The following LRRC20 variants were observed in gnomAD, a reference collection of about 807,000 sequenced individuals.
The protein encoded by LRRC20 is leucine-rich repeat-containing protein 20.
In LRRC20, 11 loss-of-function variants were observed where a neutral mutation model predicts 14.4. The observed-to-expected ratio is 0.77, with a 90% CI of 0.48 to 1.27. LRRC20 has a LOEUF of 1.27. Ranked by LOEUF, LRRC20 falls within the 50% of genes most tolerant of loss-of-function variation. The probability of loss-of-function intolerance (pLI) is 0.00; values close to 1 mark genes in which losing one functional copy is unlikely to be tolerated. For missense variants in LRRC20, 219 were observed against 251.2 expected (o/e 0.87, Z 0.87); for synonymous variants, 121 against 107.3 (o/e 1.13, Z -0.79).
chr10:70,338,201 C>A (rs2137008628), intron 3 of LRRC20, among the ~76,000 whole-genome samples: 1 of 152,292 alleles, frequency 6.6e-6, no homozygotes, highest in South Asian at 2.1e-4. Context: ...AATCCCTCCT[C>A]CTTGTCCTTC....
chr10:70,311,945 G>A (rs1281097398), intron 4 of LRRC20, among the ~76,000 whole-genome samples: 2 of 152,186 alleles, frequency 1.3e-5, no homozygotes, highest in Non-Finnish European at 2.9e-5. Flanking sequence ...CTCACTAATT[G>A]TTAGCAATAT....
intron 1 of LRRC20, among the ~76,000 whole-genome samples, chr10:70,380,334 G>A (rs1844658422): frequency 6.6e-6 from 1 of 152,194 alleles, no homozygotes; most frequent in Admixed American, 6.5e-5. Flanking sequence ...AAAGGTTCCC[G>A]CTGCTTAAAA....
chr10:70,309,935 C>T (rs1471202204), intron 4 of LRRC20, among the ~76,000 whole-genome samples: 1 of 152,242 alleles, frequency 6.6e-6, no homozygotes, highest in Non-Finnish European at 1.5e-5. Context: ...GGGGTCTCGG[C>T]TTGCTGTTTC....
intron 3 of LRRC20, among the ~76,000 whole-genome samples, chr10:70,333,354 C>T (rs1842609077): frequency 6.6e-6 from 1 of 152,184 alleles, no homozygotes; most frequent in Admixed American, 6.5e-5. Flanking sequence ...AAGCGATGCT[C>T]TCCTGCTGGT....
chr10:70,373,169 G>C (rs1844376630), intron 2 of LRRC20, among the ~76,000 whole-genome samples: 2 of 152,182 alleles, frequency 1.3e-5, no homozygotes, highest in South Asian at 4.1e-4. Flanking sequence ...TCTGGTGCTA[G>C]ATGTTTAGGA....
At chr10:70,377,381 C>T (rs990694900) in intron 1 of LRRC20, among the ~76,000 whole-genome samples, 1 of 152,136 alleles carries the variant, frequency 6.6e-6, no homozygotes, top group African/African-American at 2.4e-5. Context: ...GACATAAGGA[C>T]TTGCAAACAC....
In LRRC20 at chr10:70,301,269, C is replaced by T. The variant is rs558927091; in HGVS notation, c.*85G>A. The T allele has an allele frequency of 6.2e-4, 932 of 1,507,850 alleles. 7 individuals are homozygous for T. The African/African-American group carries it at 0.011, about 18-fold the overall frequency. The allele number at this position is 1,507,850 out of a possible 1,614,324, so 93.4% of individuals were successfully genotyped here. On this transcript the variant is annotated 3_prime_UTR_variant, in exon 5 of 5. Transcript: ENST00000446961. ...GGCCCACCCGCCCCCAGCCCCCAGG[C>T]TTGGCCTCCCATGGGCCTCCCTCCC...
At chr10:70,352,215 T>C (rs1843339288) in intron 2 of LRRC20, among the ~76,000 whole-genome samples, 1 of 125,432 alleles carries the variant, frequency 8.0e-6, no homozygotes, top group Non-Finnish European at 1.7e-5. Context: ...TTGTAAGGCA[T>C]GTACGTTTAA....
chr10:70,317,512 C>T (rs1365328102), intron 4 of LRRC20, among the ~76,000 whole-genome samples: 1 of 152,174 alleles, frequency 6.6e-6, no homozygotes, highest in Non-Finnish European at 1.5e-5. Context: ...GCTGGGACTA[C>T]AGGTATGCAC....
Position 70,327,366 on chromosome 10 carries a change from AG to A in LRRC20, c.233-3337del, listed in dbSNP as rs200954469. 2.8e-3 allele frequency among the ~76,000 whole-genome samples: 90 copies of A among 31,768 alleles called. 1 individual carries two copies. The highest frequency in any genetic ancestry group is 0.012 in the African/African-American group (86 of 7,246). 20.8% of individuals were successfully genotyped at this position (31,768 alleles called of 152,430 possible). A position where few individuals can be genotyped will look rare whatever the true frequency, so the allele number is the denominator to read the frequency against. On this transcript the variant is annotated intron_variant, in intron 3 of 4. Coordinates refer to ENST00000446961, the MANE Select transcript of LRRC20 (RefSeq NM_001278212.2). Reference sequence around the variant, plus strand: ...GAGGCAGACGGATCACTTGAGATCAAGAGTTCGAGACCAGCCTGGCCAACAT... The same window carrying A: ...GAGGCAGACGGATCACTTGAGATCAAAGTTCGAGACCAGCCTGGCCAACAT...
intron 3 of LRRC20, among the ~76,000 whole-genome samples, chr10:70,331,096 A>T (rs1842521473): frequency 6.6e-6 from 1 of 152,148 alleles, no homozygotes; most frequent in South Asian, 2.1e-4. Context: ...TTCTCACTGA[A>T]ATTCCTTGTG....
chr10:70,306,902 T>C (rs1841446871), intron 4 of LRRC20, among the ~76,000 whole-genome samples: 1 of 152,234 alleles, frequency 6.6e-6, no homozygotes, highest in African/African-American at 2.4e-5. Flanking sequence ...TAGACTCCTA[T>C]GTTTCTAGTG....
intron 3 of LRRC20, among the ~76,000 whole-genome samples, chr10:70,333,124 A>G (rs1842599538): frequency 6.6e-6 from 1 of 152,184 alleles, no homozygotes; most frequent in African/African-American, 2.4e-5. Flanking sequence ...AGCCTGGAAG[A>G]GGGAAGTGAA....
At chr10:70,303,703 C>T (rs994878174) in intron 4 of LRRC20, among the ~76,000 whole-genome samples, 2 of 152,198 alleles carry the variant, frequency 1.3e-5, no homozygotes, top group African/African-American at 4.8e-5. Flanking sequence ...ACTGAAGACG[C>T]AGCACAGCCT....
At chr10:70,379,794 A>G (rs568741454) in intron 1 of LRRC20, among the ~76,000 whole-genome samples, 62 of 152,284 alleles carry the variant, frequency 4.1e-4, no homozygotes, top group African/African-American at 1.4e-3. Context: ...GGTGCCTTAG[A>G]CCAGCGGTCC....
intron 2 of LRRC20, among the ~76,000 whole-genome samples, chr10:70,360,641 C>T (rs932473288): frequency 2.0e-5 from 3 of 152,028 alleles, no homozygotes; most frequent in African/African-American, 7.2e-5. Context: ...AGTGGTCTCA[C>T]TATATGGCCT....
At chr10:70,360,586 G>A (rs1843684685) in intron 2 of LRRC20, among the ~76,000 whole-genome samples, 2 of 152,122 alleles carry the variant, frequency 1.3e-5, no homozygotes, top group Admixed American at 1.3e-4. Context: ...ACAGGCTCAC[G>A]CCACCCTGCC....
chr10:70,376,761 T>C, intron 1 of LRRC20, 165 bp from the exon 2 acceptor site: 1 of 560,928 alleles, frequency 1.8e-6, no homozygotes, highest in South Asian at 2.0e-5. Flanking sequence ...TCAGGCCACA[T>C]CCAGCTTGGC....
rs758493647 is a variant in LRRC20, at chr10:70,323,900, C to A, written c.363G>T (p.Ala121=). The change falls in exon 4 of 5, where the codon GCG becomes GCT. Residue 121 remains alanine, a synonymous_variant. Transcript: ENST00000446961. ...DFPEQLTALP[A]LETINLEENE... is the part of the protein sequence containing the mutation. ...TCTCCTCCAGGTTGATGGTCTCCAG[C>A]GCCGGCAGGGCGGTAAGCTGCTCAG... The A allele has an allele frequency of 3.7e-6, 6 of 1,614,192 alleles. No homozygotes were observed. The highest frequency in any genetic ancestry group is 1.1e-5 in the South Asian group (1 of 91,086).
Sources: gnomAD v4.1 joint callset for allele counts (sites outside exome capture counted in the v4.1 genomes callset) on GRCh38, gnomAD v4.1.1 for gene constraint, MANE v1.5 for transcripts, NCBI Gene and HGNC (gene_info 2026-07-23, HGNC 2026-07-21) for gene names.